Variants in STARD13 observed in about 807,000 individuals in gnomAD.
The protein encoded by STARD13 is StAR related lipid transfer domain containing 13.
A neutral mutation model predicts 106.4 loss-of-function variants in STARD13; 62 were observed. The ratio of observed to expected loss-of-function variants is 0.58; its 90% CI spans 0.48 to 0.72. STARD13 has a LOEUF of 0.72. STARD13 is among the 30% of genes least tolerant of loss of function. STARD13 has a pLI of 0.00. For missense variants in STARD13, 1,387 were observed against 1,424.0 expected (o/e 0.97, Z 0.42); for synonymous variants, 565 against 553.0 (o/e 1.02, Z -0.31).
the STARD13 span, among the ~76,000 whole-genome samples, chr13:33,583,962 A>G: frequency 4.6e-5 from 7 of 152,074 alleles, no homozygotes; most frequent in Middle Eastern, 6.8e-3. Flanking sequence ...CCTGCCTTCA[A>G]TTTTTTAGGG....
At chr13:33,381,141 G>A in the STARD13 span, among the ~76,000 whole-genome samples, 4 of 152,142 alleles carry the variant, frequency 2.6e-5, no homozygotes, top group Non-Finnish European at 5.9e-5. Flanking sequence ...AATAAATTTA[G>A]TAGATGCCAA....
chr13:33,309,876 A>C (rs1034711344), intron 1 of STARD13, among the ~76,000 whole-genome samples: 1 of 152,174 alleles, frequency 6.6e-6, no homozygotes, highest in African/African-American at 2.4e-5. Context: ...ATGTGTTCTT[A>C]AGCTCTGACC....
chr13:33,138,994 T>A (rs1455643264), intron 4 of STARD13: 1 of 348,568 alleles, frequency 2.9e-6, no homozygotes, highest in Non-Finnish European at 5.8e-6. Flanking sequence ...TTCATCACCA[T>A]CATCACCTAT....
chr13:33,500,667 T>C, the STARD13 span, among the ~76,000 whole-genome samples: 1 of 152,216 alleles, frequency 6.6e-6, no homozygotes, highest in Non-Finnish European at 1.5e-5. Flanking sequence ...TGCCTCAGAC[T>C]GTGATGACTT....
chr13:33,339,090 A>C (rs1037630779), intron 1 of STARD13, among the ~76,000 whole-genome samples: 2 of 152,136 alleles, frequency 1.3e-5, no homozygotes, highest in African/African-American at 4.8e-5. Flanking sequence ...CACTGTGCTA[A>C]GTTCTTTGCA....
At chr13:33,147,675 C>T (rs186034760) in intron 3 of STARD13, among the ~76,000 whole-genome samples, 2 of 142,776 alleles carry the variant, frequency 1.4e-5, no homozygotes, top group East Asian at 3.9e-4. Flanking sequence ...CAGTTTTAAA[C>T]AAACAAACAA....
the STARD13 span, among the ~76,000 whole-genome samples, chr13:33,373,006 TTTA>T: frequency 6.6e-6 from 1 of 152,110 alleles, no homozygotes; most frequent in African/African-American, 2.4e-5. Flanking sequence ...TCTCTGAAAG[TTTA>T]TTTCTTTCAG....
the STARD13 span, among the ~76,000 whole-genome samples, chr13:33,484,868 C>T: frequency 2.4e-4 from 37 of 152,284 alleles, 1 homozygote; most frequent in Middle Eastern, 0.014. Context: ...TAAGATGATA[C>T]ATTAAGTATC....
chr13:33,437,388 T>A, the STARD13 span, among the ~76,000 whole-genome samples: 1 of 151,964 alleles, frequency 6.6e-6, no homozygotes, highest in Admixed American at 6.6e-5. Context: ...GAGACAGGAG[T>A]CTTGCTGATG....
the STARD13 span, among the ~76,000 whole-genome samples, chr13:33,478,691 G>T: frequency 6.6e-6 from 1 of 152,100 alleles, no homozygotes; most frequent in Non-Finnish European, 1.5e-5. Context: ...CAAGGCAGGA[G>T]GATCACTTGA....
the STARD13 span, among the ~76,000 whole-genome samples, chr13:33,360,031 G>C: frequency 6.6e-6 from 1 of 152,140 alleles, no homozygotes; most frequent in Non-Finnish European, 1.5e-5. Context: ...GATAAACAAG[G>C]GGTTATGAGG....
At chr13:33,148,933 G>T (rs1283884707) in intron 3 of STARD13, among the ~76,000 whole-genome samples, 2 of 152,182 alleles carry the variant, frequency 1.3e-5, no homozygotes, top group African/African-American at 2.4e-5. Context: ...TTAAGTGCAT[G>T]TTACTAAGTG....
intron 1 of STARD13, chr13:33,333,533 G>T (rs1231982317): frequency 2.0e-5 from 3 of 152,248 alleles, no homozygotes; most frequent in Non-Finnish European, 2.9e-5. Context: ...TGGAGGGTAG[G>T]AGTTTATCTG....
At chr13:33,480,864 T>C in the STARD13 span, among the ~76,000 whole-genome samples, 4 of 152,148 alleles carry the variant, frequency 2.6e-5, no homozygotes, top group African/African-American at 9.7e-5. Context: ...ATGATGATCC[T>C]GAAAGGTCTT....
Position 33,129,096 on chromosome 13 carries a change from T to C in STARD13, c.1581A>G (p.Pro527=). ...AATCTAAGGTGATCTGATTAGGAGATGGAAAGGTGGATAAGCCAGGTTCCC... is the reference window on the plus strand; with the variant it reads ...AATCTAAGGTGATCTGATTAGGAGACGGAAAGGTGGATAAGCCAGGTTCCC... ...LVGEPGLSTF[P]SPNQITLDFE... The change falls in exon 5 of 14, where the codon CCA becomes CCG. Residue 527 remains proline, a synonymous_variant. Coordinates refer to ENST00000336934, the MANE Select transcript of STARD13 (RefSeq NM_178006.4). The C allele has an allele frequency of 1.9e-6, 3 of 1,614,090 alleles. No homozygotes were observed. The highest frequency in any genetic ancestry group is 2.5e-6 in the Non-Finnish European group (3 of 1,180,024).
chr13:33,127,303 T>C (rs1877322513), intron 6 of STARD13, 70 bp downstream of exon 6: 2 of 1,456,838 alleles, frequency 1.4e-6, no homozygotes, highest in East Asian at 2.5e-5. Context: ...AAAGTAAACA[T>C]GGAAGCTTCT....
chr13:33,552,553 A>T, the STARD13 span, among the ~76,000 whole-genome samples: 2 of 152,236 alleles, frequency 1.3e-5, no homozygotes, highest in African/African-American at 4.8e-5. Flanking sequence ...ATTTACTAAA[A>T]ATAATCATTG....
At chr13:33,373,528 A>G in the STARD13 span, among the ~76,000 whole-genome samples, 1 of 152,168 alleles carries the variant, frequency 6.6e-6, no homozygotes, top group East Asian at 1.9e-4. Flanking sequence ...CCAATATGGT[A>G]GGAAATATTT....
At chr13:33,668,598 A>T in the STARD13 span, among the ~76,000 whole-genome samples, 1 of 152,244 alleles carries the variant, frequency 6.6e-6, no homozygotes, top group Non-Finnish European at 1.5e-5. Context: ...CTCTATGCCC[A>T]AGGTAGTAGA....
Sources: gnomAD v4.1 joint callset for allele counts (sites outside exome capture counted in the v4.1 genomes callset) on GRCh38, gnomAD v4.1.1 for gene constraint, MANE v1.5 for transcripts, NCBI Gene and HGNC (gene_info 2026-07-23, HGNC 2026-07-21) for gene names.